The following SLC35F6 variants were observed in gnomAD, a reference collection of about 807,000 sequenced individuals.
The protein encoded by SLC35F6 is ANT2-binding protein.
In SLC35F6, 26 loss-of-function variants were observed where a neutral mutation model predicts 29.4. The observed-to-expected ratio is 0.89, with a 90% CI of 0.65 to 1.23. The LOEUF is 1.23. Ranked by LOEUF, SLC35F6 falls within the 50% of genes most tolerant of loss-of-function variation. SLC35F6 has a pLI of 0.00. For synonymous variants in SLC35F6, 174 were observed against 206.6 expected, an observed-to-expected ratio of 0.84 and a Z score of 1.35; for missense variants, 428 against 487.8, an observed-to-expected ratio of 0.88 and a Z score of 1.15.
chr2:26,775,404 C>G lies in SLC35F6; in HGVS notation c.323-60C>G, dbSNP rs992690331. 8 of 1,579,476 alleles carry G rather than the reference C, an allele frequency of 5.1e-6. No individual in the cohort carries two copies. In the Admixed American group the frequency reaches 1.0e-4, roughly 21 times the overall value. On this transcript the variant is annotated intron_variant, in intron 3 of 5. Transcript: ENST00000344420. This position sits in a 1 kb window ranked among gnomAD's most constrained non-coding sequence, Gnocchi z 4.6. ...TTGGCATGTCTATCACCAAAGACCCCTTAGTGACAGATGGCCTTCGCCTTG... is the reference window on the plus strand; with the variant it reads ...TTGGCATGTCTATCACCAAAGACCCGTTAGTGACAGATGGCCTTCGCCTTG...
chr2:26,765,578 C>CGATCTCTG (rs544681887), intron 1 of SLC35F6, among the ~76,000 whole-genome samples: 3 of 152,204 alleles, frequency 2.0e-5, no homozygotes, highest in Admixed American at 6.5e-5. Flanking sequence ...GACCAAGAGG[C>CGATCTCTG]GATCTCTGCC....
At chr2:26,771,559 C>T (rs1347367818) in intron 1 of SLC35F6, among the ~76,000 whole-genome samples, 1 of 152,194 alleles carries the variant, frequency 6.6e-6, no homozygotes, top group East Asian at 1.9e-4. Flanking sequence ...TCTCAGGGGG[C>T]TCTTTCTGCA....
At position 26,780,251 on chromosome 2, in the gene SLC35F6, A is replaced by T. The variant is rs1383957990; in HGVS notation, c.*1740A>T. ...TTACCTGTTCCTTTTAAAGACAAGG[A>T]AACTGAGGCCCAAAGTTCTAAGTTG... On this transcript the variant is annotated 3_prime_UTR_variant, in exon 6 of 6. Transcript: ENST00000344420. 2 of 152,112 alleles carry T rather than the reference A, an allele frequency of 1.3e-5. No homozygotes were observed. Among genetic ancestry groups the T allele is most frequent in the Non-Finnish European group, 2.9e-5 (2 of 68,018 alleles). 9.4% of individuals were successfully genotyped at this position (152,112 alleles called of 1,614,324 possible).
chr2:26,772,235 G>A (rs1664210547), intron 1 of SLC35F6, among the ~76,000 whole-genome samples: 1 of 152,122 alleles, frequency 6.6e-6, no homozygotes. Context: ...ACATGCTCTG[G>A]GTGCTGCGGG....
At chr2:26,769,214 C>T (rs779675496) in intron 1 of SLC35F6, among the ~76,000 whole-genome samples, 1 of 152,244 alleles carries the variant, frequency 6.6e-6, no homozygotes, top group African/African-American at 2.4e-5. Context: ...TTCACGTGGA[C>T]GTGCACACCT....
chr2:26,773,142 T>C (rs1249924098), intron 1 of SLC35F6, among the ~76,000 whole-genome samples: 2 of 152,164 alleles, frequency 1.3e-5, no homozygotes, highest in Non-Finnish European at 2.9e-5. Flanking sequence ...GCCATGGGAC[T>C]CTTTGACAGT....
At chr2:26,766,030 T>C (rs144443081) in intron 1 of SLC35F6, among the ~76,000 whole-genome samples, 1,811 of 152,278 alleles carry the variant, frequency 0.012, 23 homozygotes, top group South Asian at 0.037. Context: ...ACCAGTCAGG[T>C]AGGAAGCTTA....
chr2:26,772,137 C>T lies in SLC35F6; in HGVS notation c.78-2114C>T, dbSNP rs545306954. 4.6e-5 allele frequency among the ~76,000 whole-genome samples: 7 copies of T among 152,188 alleles called. No individual in the cohort carries two copies. The South Asian group carries it at 1.4e-3, about 31-fold the overall frequency. ...AATAGGTTTGCCATAGCCCTGTTTT[C>T]TTCCGCAAACTCAGAGGCATATAGA... is the stretch of plus-strand genomic sequence containing the variant. On this transcript the variant is annotated intron_variant, in intron 1 of 5. Coordinates refer to ENST00000344420, the MANE Select transcript of SLC35F6 (RefSeq NM_017877.4).
rs767168300 is a variant in SLC35F6 at position 26,776,488 on chromosome 2, T to C, written c.646+6T>C. On this transcript the variant is annotated splice_donor_region_variant and intron_variant, in intron 5 of 5. Transcript: ENST00000344420. Reference sequence around the variant, plus strand: ...GCGGGCAGTTGGCACTGAGGGTGTGTGTGGGCACAGGGGCCTGGAAGGAGT... The same window carrying C: ...GCGGGCAGTTGGCACTGAGGGTGTGCGTGGGCACAGGGGCCTGGAAGGAGT... 1 of 1,613,582 alleles carries C rather than the reference T, an allele frequency of 6.2e-7. No individual in the cohort carries two copies. The highest frequency in any genetic ancestry group is 8.5e-7 in the Non-Finnish European group (1 of 1,179,532).
Position 26,775,603 on chromosome 2 carries a change from G to A in SLC35F6, c.462G>A (p.Gly154=). The part of the protein sequence containing the change: ...QWLGILATIA[G]LVVVGLADLL... ...TGGGCATCCTAGCCACCATCGCGGG[G>A]CTGGTGGTCGTGGGCCTGGCTGACC... Residue 154 remains glycine (G), a synonymous_variant, in exon 4 of 6, where the codon GGG becomes GGA. Transcript: ENST00000344420. The surrounding 1 kb of genome is among the most constrained non-coding windows in gnomAD (Gnocchi z 4.6). 1 of 1,607,030 alleles carries A rather than the reference G, an allele frequency of 6.2e-7. No homozygotes were observed. Among genetic ancestry groups the A allele is most frequent in the South Asian group, 1.1e-5 (1 of 90,012 alleles).
intron 5 of SLC35F6, among the ~76,000 whole-genome samples, chr2:26,777,068 G>T (rs943440832): frequency 6.6e-6 from 1 of 152,206 alleles, no homozygotes; most frequent in Non-Finnish European, 1.5e-5. Context: ...GCGTGGTGGC[G>T]CATGCCTGTA....
intron 2 of SLC35F6, 24 bp downstream of exon 2, chr2:26,774,347 C>G: frequency 1.2e-6 from 2 of 1,613,144 alleles, no homozygotes; most frequent in Non-Finnish European, 1.7e-6. Flanking sequence ...TCCCTCCTAC[C>G]TCCTGTCTCC....
At position 26,776,366 on chromosome 2, in the gene SLC35F6, C is replaced by T. The variant is rs762279890; in HGVS notation, c.536-6C>T. The T allele has an allele frequency of 6.2e-7, 1 of 1,614,092 alleles. No individual in the cohort carries two copies. The highest frequency in any genetic ancestry group is 1.1e-5 in the South Asian group (1 of 91,078). ...TGTTCTCATCTGGGTCCCTCCTTCC[C>T]CACAGGGGACCTGTTGATCATCATG... On this transcript the variant is annotated splice_polypyrimidine_tract_variant and splice_region_variant and intron_variant, in intron 4 of 5. Coordinates refer to ENST00000344420, the MANE Select transcript of SLC35F6 (RefSeq NM_017877.4).
At chr2:26,773,503 GAAAAAA>G (rs70953813) in intron 1 of SLC35F6, among the ~76,000 whole-genome samples, 1 of 106,970 alleles carries the variant, frequency 9.3e-6, no homozygotes, top group African/African-American at 3.1e-5. Flanking sequence ...ACTCCATTAA[GAAAAAA>G]AAAAAAAAAA....
chr2:26,778,488 A>G lies in SLC35F6; in HGVS notation c.1093A>G (p.Thr365Ala). The change falls in exon 6 of 6, where the codon ACT becomes GCT. Residue 365 changes from threonine (T) to alanine (A), a missense_variant. By Grantham distance (58) the Thr-to-Ala change is moderately conservative. Coordinates refer to ENST00000344420, the MANE Select transcript of SLC35F6 (RefSeq NM_017877.4). The part of the protein sequence containing the change: ...EQERLLGGTR[T>A]PINDAS ...GGAGAGACTGCTGGGTGGCACCCGC[A>G]CTCCCATCAATGATGCCAGCTGAGG... The G allele has an allele frequency of 6.2e-7, 1 of 1,607,658 alleles. No homozygotes were observed. The highest frequency in any genetic ancestry group is 2.2e-5 in the East Asian group (1 of 44,752).
In SLC35F6 at chr2:26,775,686, G is replaced by A; in HGVS notation, c.535+10G>A. 1.3e-6 allele frequency: 2 copies of A among 1,558,578 alleles called. No homozygotes were observed. The highest frequency in any genetic ancestry group is 1.7e-6 in the Non-Finnish European group (2 of 1,155,564). On this transcript the variant is annotated intron_variant, in intron 4 of 5. Coordinates refer to ENST00000344420, the MANE Select transcript of SLC35F6 (RefSeq NM_017877.4). This position sits in a 1 kb window ranked among gnomAD's most constrained non-coding sequence, Gnocchi z 4.6. Reference sequence around the variant, plus strand: ...AGCGAAGTGATCACAGGTGCGGCCAGGGGCAGGGACACGGGGCTGCCCTAT... The same window carrying A: ...AGCGAAGTGATCACAGGTGCGGCCAAGGGCAGGGACACGGGGCTGCCCTAT...
intron 1 of SLC35F6, chr2:26,764,749 A>G (rs1199176001): frequency 2.0e-6 from 2 of 975,720 alleles, no homozygotes; most frequent in African/African-American, 1.8e-5. Flanking sequence ...ACCTCCCTCC[A>G]CGAGCTGGGA....
chr2:26,773,891 C>T (rs954054767), intron 1 of SLC35F6, among the ~76,000 whole-genome samples: 1 of 152,168 alleles, frequency 6.6e-6, no homozygotes, highest in Admixed American at 6.5e-5. Flanking sequence ...GGATTACAGG[C>T]GTGAGCCACT....
Position 26,775,132 on chromosome 2 carries a change from T to G in SLC35F6, c.239T>G (p.Val80Gly), listed in dbSNP as rs756421355. 1.9e-6 allele frequency: 3 copies of G among 1,613,986 alleles called. No individual in the cohort carries two copies. Among genetic ancestry groups the G allele is most frequent in the African/African-American group, 2.7e-5 (2 of 74,928 alleles). The change falls in exon 3 of 6, where the codon GTA (valine) becomes GGA (glycine). Residue 80 changes from valine (V) to glycine (G), a missense_variant. Coordinates refer to ENST00000344420, the MANE Select transcript of SLC35F6 (RefSeq NM_017877.4). This position sits in a 1 kb window ranked among gnomAD's most constrained non-coding sequence, Gnocchi z 4.6. ...GCTGCAGGGCAATCAGACTCCAGCG[T>G]AGACCCCCAGCAGCCCTTCAACCCT... ...CRAAGQSDSS[V>G]DPQQPFNPLL...
Sources: allele counts gnomAD v4.1 joint callset (sites outside exome capture counted in the v4.1 genomes callset), GRCh38; gene constraint gnomAD v4.1.1; non-coding constraint Gnocchi (gnomAD v3.1); transcripts MANE v1.5; gene names NCBI Gene and HGNC (gene_info 2026-07-23, HGNC 2026-07-21).